CGNL1: variants seen among roughly 807,000 people sequenced by gnomAD.
The protein encoded by CGNL1 is cingulin like 1.
Under a neutral mutation model 141.2 loss-of-function variants are expected in CGNL1, and 132 were observed. The observed-to-expected ratio is 0.93, with a 90% confidence interval of 0.81 to 1.08. CGNL1 has a LOEUF of 1.08. CGNL1 is among the 50% of genes least tolerant of loss of function. The pLI is 0.00. For missense variants in CGNL1, 1,870 were observed against 1,588.6 expected, an observed-to-expected ratio of 1.18 and a Z score of -3.01; for synonymous variants, 690 against 622.1, an observed-to-expected ratio of 1.11 and a Z score of -1.63.
chr15:57,547,438 C>T lies in CGNL1; in HGVS notation c.3857C>T (p.Ala1286Val), dbSNP rs368459524. ...LSTDGGSLYE[A>V]PVSYTFSKDS... ...ACGGATGGGGGAAGCCTCTATGAGG[C>T]GCCTGTGAGCTACACATTCTCCAAG... Residue 1286 changes from alanine to valine, a missense_variant, in exon 19 of 19, where the codon GCG becomes GTG. Transcript: ENST00000281282. The T allele has an allele frequency of 4.4e-5, 71 of 1,614,020 alleles. No individual in the cohort carries two copies. Among genetic ancestry groups the T allele is most frequent in the African/African-American group, 6.7e-5 (5 of 74,930 alleles).
Position 57,452,213 on chromosome 15 carries a change from GA to G in CGNL1, c.1982del (p.Lys661ArgfsTer29). 1 of 1,614,010 alleles carries G rather than the reference GA, an allele frequency of 6.2e-7. No individual in the cohort carries two copies. Among genetic ancestry groups the G allele is most frequent in the Non-Finnish European group, 8.5e-7 (1 of 1,179,960 alleles). On this transcript the variant is annotated frameshift_variant, in exon 6 of 19. Transcript: ENST00000281282. LOFTEE classifies it high-confidence loss of function. ...NLEELRSQHNEKVEENSTLQQ... is the reference protein window; with the variant it reads ...NLEELRSQHNXKVEENSTLQQ... ...AGAAGAGCTCCGAAGCCAACACAACGAAAAGGTGGAGGAGAACTCCACATTG... is the reference window on the plus strand; with the variant it reads ...AGAAGAGCTCCGAAGCCAACACAACGAAAGGTGGAGGAGAACTCCACATTG...
At chr15:57,468,234 C>CTTTTTTTTTTTTTTTTTTTT (rs57360097) in intron 8 of CGNL1, among the ~76,000 whole-genome samples, 1 of 85,916 alleles carries the variant, frequency 1.2e-5, no homozygotes, top group Admixed American at 1.5e-4. Context: ...TTTTCTTTTT[C>CTTTTTTTTTTTTTTTTTTTT]TTTTTTTTTT....
chr15:57,457,984 C>A (rs2063399863), intron 7 of CGNL1, among the ~76,000 whole-genome samples: 1 of 152,128 alleles, frequency 6.6e-6, no homozygotes, highest in Non-Finnish European at 1.5e-5. Context: ...TAGGACCCAT[C>A]TGGGTCCCAT....
At chr15:57,483,514 A>AT (rs1401541736) in intron 8 of CGNL1, among the ~76,000 whole-genome samples, 1 of 93,156 alleles carries the variant, frequency 1.1e-5, no homozygotes, top group African/African-American at 4.1e-5. Context: ...ATTCCTTGGG[A>AT]TTTTTTATAT....
At chr15:57,469,582 A>C (rs540251914) in intron 8 of CGNL1, among the ~76,000 whole-genome samples, 3 of 152,040 alleles carry the variant, frequency 2.0e-5, no homozygotes, top group Admixed American at 6.6e-5. Flanking sequence ...TGCATTAGAC[A>C]TGTCCATACT....
At chr15:57,507,263 T>C (rs2064115776) in intron 8 of CGNL1, among the ~76,000 whole-genome samples, 1 of 152,232 alleles carries the variant, frequency 6.6e-6, no homozygotes, top group Non-Finnish European at 1.5e-5. Context: ...CAGTGTGTTG[T>C]GGTCAGAAGG....
chr15:57,391,736 AC>A (rs2062545285), intron 1 of CGNL1, among the ~76,000 whole-genome samples: 1 of 152,126 alleles, frequency 6.6e-6, no homozygotes, highest in Non-Finnish European at 1.5e-5. Context: ...TAGTTTGAAG[AC>A]CCAGGCTTAT....
chr15:57,386,705 G>A (rs1408597331), intron 1 of CGNL1, among the ~76,000 whole-genome samples: 3 of 152,168 alleles, frequency 2.0e-5, no homozygotes, highest in East Asian at 1.9e-4. Flanking sequence ...CGACAGTGAC[G>A]ACGATAACAC....
chr15:57,525,116 A>T (rs1485859398), intron 12 of CGNL1, among the ~76,000 whole-genome samples: 1 of 152,258 alleles, frequency 6.6e-6, no homozygotes, highest in Non-Finnish European at 1.5e-5. Flanking sequence ...GGATTACAGT[A>T]ACTGACTGTT....
intron 1 of CGNL1, among the ~76,000 whole-genome samples, chr15:57,385,067 A>G (rs1469852143): frequency 6.6e-6 from 1 of 152,228 alleles, no homozygotes; most frequent in African/African-American, 2.4e-5. Flanking sequence ...CTTGCAGACT[A>G]CTGAGTGAAT....
chr15:57,519,405 T>G (rs904859570), intron 10 of CGNL1, among the ~76,000 whole-genome samples: 1 of 152,188 alleles, frequency 6.6e-6, no homozygotes, highest in African/African-American at 2.4e-5. Flanking sequence ...TTGTTGCAGC[T>G]TTCCTGGAGG....
At chr15:57,462,383 T>G (rs1363355802) in intron 8 of CGNL1, among the ~76,000 whole-genome samples, 1 of 152,228 alleles carries the variant, frequency 6.6e-6, no homozygotes, top group Non-Finnish European at 1.5e-5. Flanking sequence ...GAGGGTTAAT[T>G]GGCTGAATTG....
In CGNL1 at chr15:57,419,250, T is replaced by TA. The variant is rs200776014; in HGVS notation, c.-15-18727dup. Among the ~76,000 whole-genome samples the TA allele has an allele frequency of 6.5e-3, 987 of 152,022 alleles. 12 individuals are homozygous for TA. Among genetic ancestry groups the TA allele is most frequent in the African/African-American group, 0.023 (937 of 41,468 alleles). ...GGCCTCCCTTTTCTTGACATTGCTT[T>TA]AAAAAAAACCCTTTAATTTTAGAAT... On this transcript the variant is annotated intron_variant, in intron 1 of 18. Coordinates refer to ENST00000281282, the MANE Select transcript of CGNL1 (RefSeq NM_032866.5).
In CGNL1 at chr15:57,378,363, G is replaced by GTTTT. The variant is rs71116514; in HGVS notation, c.-16+1828_-16+1831dup. Among the ~76,000 whole-genome samples the GTTTT allele has an allele frequency of 1.1e-3, 36 of 33,928 alleles. 3 individuals carry two copies. The highest frequency in any genetic ancestry group is 2.6e-3 in the African/African-American group (23 of 8,794). The allele number at this position is 33,928 out of a possible 152,430, so 22.3% of individuals were successfully genotyped here. ...TTTCTTAGGGGGTGGCCCTCTATGTGTTTTTTTTTTTTTTTTTTTTTTTTT... is the reference window on the plus strand; with the variant it reads ...TTTCTTAGGGGGTGGCCCTCTATGTGTTTTTTTTTTTTTTTTTTTTTTTTTTTTT... On this transcript the variant is annotated intron_variant, in intron 1 of 18. Coordinates refer to ENST00000281282, the MANE Select transcript of CGNL1 (RefSeq NM_032866.5).
At chr15:57,514,468 TG>T (rs1317292781) in intron 8 of CGNL1, among the ~76,000 whole-genome samples, 1 of 152,198 alleles carries the variant, frequency 6.6e-6, no homozygotes, top group Non-Finnish European at 1.5e-5. Context: ...TAAGTCTTTT[TG>T]TTACTGAGTT....
intron 14 of CGNL1, among the ~76,000 whole-genome samples, chr15:57,538,744 C>G (rs377270030): frequency 7.9e-5 from 12 of 152,218 alleles, no homozygotes; most frequent in African/African-American, 2.4e-4. Flanking sequence ...TGGAATCCCT[C>G]CATGCGCTCT....
At position 57,442,452 on chromosome 15, in the gene CGNL1, G is replaced by A; in HGVS notation, c.1777G>A (p.Ala593Thr). Residue 593 changes from alanine to threonine, a missense_variant, in exon 4 of 19, where the codon GCT becomes ACT. By Grantham distance (58) the Ala-to-Thr change is moderately conservative. Transcript: ENST00000281282. Reference sequence around the variant, plus strand: ...AATCCAGACCTTAAAGTCTCGAGCAGCTGGGAGCGCCCAAGGAAATAACCA... The same window carrying A: ...AATCCAGACCTTAAAGTCTCGAGCAACTGGGAGCGCCCAAGGAAATAACCA... ...EKIQTLKSRA[A>T]GSAQGNNQAC... 1 of 1,612,822 alleles carries A rather than the reference G, an allele frequency of 6.2e-7. No homozygotes were observed. The highest frequency in any genetic ancestry group is 8.5e-7 in the Non-Finnish European group (1 of 1,178,970).
intron 8 of CGNL1, among the ~76,000 whole-genome samples, chr15:57,488,102 T>C (rs1473494114): frequency 6.6e-6 from 1 of 152,222 alleles, no homozygotes; most frequent in Non-Finnish European, 1.5e-5. Flanking sequence ...TCTTCGTGGG[T>C]GTGAAATGGT....
chr15:57,520,331 C>T (rs2031165647), intron 10 of CGNL1, among the ~76,000 whole-genome samples: 1 of 152,208 alleles, frequency 6.6e-6, no homozygotes, highest in Non-Finnish European at 1.5e-5. Flanking sequence ...TTGAAGCTGA[C>T]AACTCAAAGG....
Sources: gnomAD v4.1 joint callset for allele counts (sites outside exome capture counted in the v4.1 genomes callset) on GRCh38, gnomAD v4.1.1 for gene constraint, MANE v1.5 for transcripts, NCBI Gene and HGNC (gene_info 2026-07-23, HGNC 2026-07-21) for gene names.